Variants in PRKACB observed in about 807,000 individuals in gnomAD.
PRKACB encodes the protein cAMP-dependent protein kinase catalytic subunit beta.
In PRKACB, 16 loss-of-function variants were observed where a neutral mutation model predicts 51.4. That is an observed-to-expected ratio of 0.31 (90% CI 0.21 to 0.47). PRKACB has a LOEUF of 0.47. PRKACB is among the 20% of genes least tolerant of loss of function. PRKACB has a pLI of 1.00. For synonymous variants in PRKACB, 147 were observed against 154.4 expected, an observed-to-expected ratio of 0.95 and a Z score of 0.35; for missense variants, 309 against 464.5, an observed-to-expected ratio of 0.67 and a Z score of 3.08.
At chr1:84,158,558 T>C (rs1461844056) in intron 1 of PRKACB, among the ~76,000 whole-genome samples, 2 of 152,196 alleles carry the variant, frequency 1.3e-5, no homozygotes, top group Non-Finnish European at 2.9e-5. Flanking sequence ...ATTCTTTGTA[T>C]ATTCTGAACT....
At chr1:84,228,062 G>A (rs1251065949) in intron 9 of PRKACB, among the ~76,000 whole-genome samples, 1 of 152,026 alleles carries the variant, frequency 6.6e-6, no homozygotes, top group African/African-American at 2.4e-5. Context: ...CATTCTTCTG[G>A]GTAGTGCAAA....
At chr1:84,194,741 C>T (rs746823869) in intron 5 of PRKACB, among the ~76,000 whole-genome samples, 3 of 151,994 alleles carry the variant, frequency 2.0e-5, no homozygotes, top group Non-Finnish European at 4.4e-5. Context: ...GCCTGGGCAA[C>T]ATGGCAAACC....
chr1:84,219,440 G>C (rs1673358591), intron 9 of PRKACB, among the ~76,000 whole-genome samples: 2 of 151,870 alleles, frequency 1.3e-5, no homozygotes, highest in Admixed American at 1.3e-4. Flanking sequence ...GGTCAGGCTG[G>C]TCTCGAACTC....
chr1:84,126,114 C>T (rs554073770), intron 1 of PRKACB, among the ~76,000 whole-genome samples: 5 of 152,070 alleles, frequency 3.3e-5, no homozygotes, highest in Non-Finnish European at 5.9e-5. Flanking sequence ...CTGTGACCTC[C>T]GGAGTCCTAG....
At position 84,125,711 on chromosome 1, in the gene PRKACB, G is replaced by A. The variant is rs866836172; in HGVS notation, c.46+47340G>A. ...TCTTTCTTCCCTAATACAACCAGAA[G>A]TATAAACTAGTTGTTAACAGATATG... On this transcript the variant is annotated intron_variant, in intron 1 of 8. Transcript: ENST00000370688. Among the ~76,000 whole-genome samples the A allele has an allele frequency of 5.3e-5, 8 of 152,290 alleles. No individual in the cohort carries two copies. The Middle Eastern group carries it at 0.01, about 194-fold the overall frequency.
intron 1 of PRKACB, among the ~76,000 whole-genome samples, chr1:84,166,567 T>C (rs991121724): frequency 1.3e-5 from 2 of 151,784 alleles, no homozygotes; most frequent in South Asian, 2.1e-4. Flanking sequence ...TAATCACAAC[T>C]AGGTGTTCTG....
chr1:84,207,742 A>G (rs1031765030), intron 8 of PRKACB, among the ~76,000 whole-genome samples: 2 of 152,244 alleles, frequency 1.3e-5, no homozygotes, highest in Admixed American at 1.3e-4. Context: ...TCTCCTGCCA[A>G]TAATTGCAGA....
chr1:84,189,064 A>G (rs1253010611), intron 5 of PRKACB, among the ~76,000 whole-genome samples: 1 of 151,976 alleles, frequency 6.6e-6, no homozygotes, highest in African/African-American at 2.4e-5. Flanking sequence ...TATAAAATCT[A>G]GTTTTTTAGA....
At chr1:84,082,268 T>G (rs1184130756) in intron 1 of PRKACB, among the ~76,000 whole-genome samples, 1 of 152,158 alleles carries the variant, frequency 6.6e-6, no homozygotes, top group East Asian at 1.9e-4. Flanking sequence ...TCCAATAGAA[T>G]AGCCGATGCT....
chr1:84,120,968 T>G (rs1651017081), intron 1 of PRKACB, among the ~76,000 whole-genome samples: 1 of 152,084 alleles, frequency 6.6e-6, no homozygotes, highest in South Asian at 2.1e-4. Flanking sequence ...CAAATCTTGA[T>G]CTTAGGTAAT....
chr1:84,092,261 AT>A (rs1648535574), intron 1 of PRKACB, among the ~76,000 whole-genome samples: 1 of 152,214 alleles, frequency 6.6e-6, no homozygotes, highest in African/African-American at 2.4e-5. Flanking sequence ...TAGATTTAAA[AT>A]GTGGAATACT....
chr1:84,165,062 T>C (rs765288133), intron 1 of PRKACB: 1 of 1,362,454 alleles, frequency 7.3e-7, no homozygotes, highest in Non-Finnish European at 1.0e-6. Context: ...AAAAATATAT[T>C]TATAAGAGGA....
chr1:84,149,088 T>C (rs1486040845), intron 1 of PRKACB, among the ~76,000 whole-genome samples: 1 of 152,126 alleles, frequency 6.6e-6, no homozygotes, highest in Non-Finnish European at 1.5e-5. Context: ...ACTTTTTCCC[T>C]AATAACATTT....
chr1:84,180,407 G>C (rs1663015665), intron 2 of PRKACB, among the ~76,000 whole-genome samples: 1 of 150,866 alleles, frequency 6.6e-6, no homozygotes, highest in South Asian at 2.1e-4. Flanking sequence ...ATGGACTTTT[G>C]GCACTTGGTG....
At chr1:84,096,837 C>T (rs1310560012) in intron 1 of PRKACB, among the ~76,000 whole-genome samples, 6 of 151,958 alleles carry the variant, frequency 3.9e-5, no homozygotes, top group Non-Finnish European at 7.4e-5. Flanking sequence ...CTCATATAAT[C>T]GTGACTAGAT....
chr1:84,227,810 A>T (rs545918472), intron 9 of PRKACB, among the ~76,000 whole-genome samples: 1 of 152,366 alleles, frequency 6.6e-6, no homozygotes, highest in South Asian at 2.1e-4. Context: ...ATTTGTTTTA[A>T]TATCTTCTCA....
At chr1:84,145,946 C>T (rs1016740895) in intron 1 of PRKACB, among the ~76,000 whole-genome samples, 4 of 151,944 alleles carry the variant, frequency 2.6e-5, no homozygotes, top group Non-Finnish European at 5.9e-5. Context: ...ACCTGCTCTT[C>T]ATATAGTGGG....
At chr1:84,080,165 G>A (rs766475485) in intron 1 of PRKACB, among the ~76,000 whole-genome samples, 1 of 151,992 alleles carries the variant, frequency 6.6e-6, no homozygotes, top group Non-Finnish European at 1.5e-5. Context: ...GTTTTCATTA[G>A]CAAGTGCTGA....
At chr1:84,221,806 G>T (rs1185579777) in intron 9 of PRKACB, among the ~76,000 whole-genome samples, 1 of 152,030 alleles carries the variant, frequency 6.6e-6, no homozygotes. Flanking sequence ...ATGATTTCAA[G>T]TTTTTAAAAT....
Sources: allele counts gnomAD v4.1 joint callset (sites outside exome capture counted in the v4.1 genomes callset), GRCh38; gene constraint gnomAD v4.1.1; transcripts MANE v1.5; gene names NCBI Gene and HGNC (gene_info 2026-07-23, HGNC 2026-07-21).